The following HPS5 variants were observed in gnomAD, a reference collection of about 807,000 sequenced individuals.
The protein encoded by HPS5 is HPS5 biogenesis of lysosomal organelles complex 2 subunit 2.
Under a neutral mutation model 128.0 loss-of-function variants are expected in HPS5, and 83 were observed. The ratio of observed to expected loss-of-function variants is 0.65; its 90% confidence interval spans 0.54 to 0.78. HPS5 has a LOEUF of 0.78. HPS5 is among the 30% of genes least tolerant of loss of function. The probability of loss-of-function intolerance (pLI) is 0.00; values close to 1 mark genes in which losing one functional copy is unlikely to be tolerated. For synonymous variants in HPS5, 475 were observed against 470.2 expected (o/e 1.01, Z -0.13); for missense variants, 1,281 against 1,326.2 (o/e 0.97, Z 0.53).
intron 6 of HPS5, among the ~76,000 whole-genome samples, chr11:18,307,540 G>A (rs1486858520): frequency 2.0e-5 from 3 of 152,148 alleles, no homozygotes; most frequent in Non-Finnish European, 2.9e-5. Context: ...TTTGCTGAGT[G>A]AAAAATGTAA....
chr11:18,305,174 T>A lies in HPS5; in HGVS notation c.896+248A>T, dbSNP rs79722765. Among the ~76,000 whole-genome samples the A allele has an allele frequency of 8.6e-3, 1,310 of 152,334 alleles. 23 individuals are homozygous for A. Among genetic ancestry groups the A allele is most frequent in the African/African-American group, 0.029 (1,192 of 41,558 alleles). ...TATGAGGCGGTTAGTAGAGCTATCT[T>A]AGCTCCAATTGTTAGAAGTTTCTTG... On this transcript the variant is annotated intron_variant, in intron 8 of 22. Coordinates refer to ENST00000349215, the MANE Select transcript of HPS5 (RefSeq NM_181507.2).
chr11:18,311,398 A>T lies in HPS5; in HGVS notation c.273T>A (p.Ala91=). The change falls in exon 4 of 23, where the codon GCT becomes GCA. Residue 91 remains alanine, a synonymous_variant. Transcript: ENST00000349215. ...ACCLHDDDYV[A]VATSQGLVVV... is the part of the protein sequence containing the mutation. ...GAACAGATTCTTACCTGGTAGCTAC[A>T]GCAACATAATCATCATCATGTAAAC... The T allele has an allele frequency of 6.2e-7, 1 of 1,605,328 alleles. No homozygotes were observed. Among genetic ancestry groups the T allele is most frequent in the Non-Finnish European group, 8.5e-7 (1 of 1,172,478 alleles).
intron 1 of HPS5, among the ~76,000 whole-genome samples, chr11:18,320,741 G>A (rs959127579): frequency 1.3e-5 from 2 of 152,292 alleles, no homozygotes; most frequent in African/African-American, 4.8e-5. Context: ...CTAGAACTGA[G>A]CATAATACTC....
chr11:18,291,307 T>C (rs1270665201), intron 16 of HPS5, 135 bp downstream of exon 16: 2 of 564,822 alleles, frequency 3.5e-6, no homozygotes, highest in Non-Finnish European at 6.3e-6. Context: ...TTAAAATGAA[T>C]GGAAAACAGA....
Position 18,296,042 on chromosome 11 carries a change from G to T in HPS5, c.1591C>A (p.Arg531Ser), listed in dbSNP as rs1861025682. The T allele has an allele frequency of 6.2e-7, 1 of 1,613,604 alleles. No homozygotes were observed. The highest frequency in any genetic ancestry group is 8.5e-7 in the Non-Finnish European group (1 of 1,179,524). The part of the protein sequence containing the change: ...FLPFGIPLPF[R>S]SPSPLVSLQA... The stretch of plus-strand genomic sequence containing the variant: ...AGAGACACAAGAGGAGATGGAGAAC[G>T]AAATGGTAATGGAATGCCGAACGGG... The change falls in exon 13 of 23, where the codon CGT becomes AGT. Residue 531 changes from arginine to serine, a missense_variant. Coordinates refer to ENST00000349215, the MANE Select transcript of HPS5 (RefSeq NM_181507.2).
At chr11:18,281,314 G>C (rs141977130) in intron 22 of HPS5, among the ~76,000 whole-genome samples, 5 of 147,622 alleles carry the variant, frequency 3.4e-5, no homozygotes, top group African/African-American at 7.5e-5. Flanking sequence ...GGCTGGTCTC[G>C]AACTCCTGAC....
In HPS5 at chr11:18,288,002, A is replaced by AACT. The variant is rs1859954284; in HGVS notation, c.2449_2451dup (p.Ser818dup). 1 of 1,613,760 alleles carries AACT rather than the reference A, an allele frequency of 6.2e-7. No individual in the cohort carries two copies. Among genetic ancestry groups the AACT allele is most frequent in the Non-Finnish European group, 8.5e-7 (1 of 1,179,910 alleles). On this transcript the variant is annotated inframe_insertion, in exon 17 of 23. Transcript: ENST00000349215. ...TCCATCTCCATATACACAGGATTGGAACTTGCCATTTCTGAAATATAAAGC... is the reference window on the plus strand; with the variant it reads ...TCCATCTCCATATACACAGGATTGGAACTACTTGCCATTTCTGAAATATAAAGC...
chr11:18,287,634 G>T lies in HPS5; in HGVS notation c.2618C>A (p.Ser873Tyr). Residue 873 changes from serine to tyrosine, a missense_variant, in exon 18 of 23, where the codon TCC becomes TAC. Physicochemically the swap from Ser to Tyr is moderately radical, Grantham distance 144. Coordinates refer to ENST00000349215, the MANE Select transcript of HPS5 (RefSeq NM_181507.2). ...TTGTATGATATCCGATGGCAAAATG[G>T]ATGGAAAGAACTTGATTAAGGATCG... is the stretch of plus-strand genomic sequence containing the variant. ...ALRSLIKFFPSILPSDIIQLC... is the reference protein window; with the variant it reads ...ALRSLIKFFPYILPSDIIQLC... 6.2e-7 allele frequency: 1 copy of T among 1,614,162 alleles called. No individual in the cohort carries two copies. The highest frequency in any genetic ancestry group is 1.3e-5 in the African/African-American group (1 of 75,038).
intron 1 of HPS5, among the ~76,000 whole-genome samples, chr11:18,319,416 C>T (rs766429885): frequency 6.6e-6 from 1 of 151,952 alleles, no homozygotes; most frequent in African/African-American, 2.4e-5. Flanking sequence ...GCTGACTAGG[C>T]TTTTATCTCA....
At chr11:18,315,376 G>A (rs908012336) in intron 2 of HPS5, among the ~76,000 whole-genome samples, 1 of 152,188 alleles carries the variant, frequency 6.6e-6, no homozygotes, top group East Asian at 1.9e-4. Context: ...AGCACTTTGG[G>A]AGGAGGCAAG....
intron 7 of HPS5, 146 bp from the exon 8 acceptor site, chr11:18,305,639 T>A (rs1275574885): frequency 1.7e-6 from 1 of 574,200 alleles, no homozygotes; most frequent in African/African-American, 1.9e-5. Flanking sequence ...ACACTAATCA[T>A]AGGAGAGGTA....
At chr11:18,282,757 G>T (rs1168859445) in intron 21 of HPS5, among the ~76,000 whole-genome samples, 1 of 152,120 alleles carries the variant, frequency 6.6e-6, no homozygotes, top group Non-Finnish European at 1.5e-5. Flanking sequence ...TGAAAAAAAA[G>T]AACAAGGAAG....
At chr11:18,321,652 G>C (rs1864368901) in intron 1 of HPS5, among the ~76,000 whole-genome samples, 2 of 152,122 alleles carry the variant, frequency 1.3e-5, no homozygotes, top group African/African-American at 4.8e-5. Flanking sequence ...TGCCCCAGTA[G>C]GTGCGTGGAG....
intron 14 of HPS5, among the ~76,000 whole-genome samples, chr11:18,294,777 T>C (rs1860847649): frequency 6.6e-6 from 1 of 152,018 alleles, no homozygotes; most frequent in Admixed American, 6.6e-5. Flanking sequence ...ATGGGAAGAA[T>C]TGTCTTGGGC....
chr11:18,289,373 C>T (rs1473381339), intron 16 of HPS5, among the ~76,000 whole-genome samples: 1 of 152,174 alleles, frequency 6.6e-6, no homozygotes, highest in Non-Finnish European at 1.5e-5. Context: ...AATTGCCCAC[C>T]ATGCTTCCTC....
At chr11:18,318,050 G>A (rs1277778021) in intron 1 of HPS5, 143 bp from the exon 2 acceptor site, 13 of 636,952 alleles carry the variant, frequency 2.0e-5, no homozygotes, top group East Asian at 2.7e-5. Context: ...AGGTAACATC[G>A]TATGCCACAG....
At chr11:18,321,040 TAA>T (rs1314712820) in intron 1 of HPS5, among the ~76,000 whole-genome samples, 1 of 152,256 alleles carries the variant, frequency 6.6e-6, no homozygotes. Context: ...ACAAACAGTA[TAA>T]AGAGGAACAG....
chr11:18,293,836 G>A (rs560299460), intron 14 of HPS5, among the ~76,000 whole-genome samples: 1 of 152,338 alleles, frequency 6.6e-6, no homozygotes, highest in East Asian at 1.9e-4. Context: ...TCTCCGATAG[G>A]AGTGAAATTT....
In HPS5 at chr11:18,286,635, A is replaced by T; in HGVS notation, c.2793T>A (p.Asp931Glu). The T allele has an allele frequency of 6.2e-7, 1 of 1,614,170 alleles. No individual in the cohort carries two copies. Among genetic ancestry groups the T allele is most frequent in the Non-Finnish European group, 8.5e-7 (1 of 1,180,018 alleles). ...CCATTGTGCTGGTGCTTGGTGGAGC[A>T]TCAAGGGACACTGCCAAAAGCAGCC... ...LDWLLLAVSLDAPPSTSTMDD... is the reference protein window; with the variant it reads ...LDWLLLAVSLEAPPSTSTMDD... Residue 931 changes from aspartate (D) to glutamate (E), a missense_variant, in exon 19 of 23, where the codon GAT becomes GAA. Physicochemically the swap from Asp to Glu is conservative, Grantham distance 45. Coordinates refer to ENST00000349215, the MANE Select transcript of HPS5 (RefSeq NM_181507.2).
Sources: gnomAD v4.1 joint callset for allele counts (sites outside exome capture counted in the v4.1 genomes callset) on GRCh38, gnomAD v4.1.1 for gene constraint, MANE v1.5 for transcripts, NCBI Gene and HGNC (gene_info 2026-07-23, HGNC 2026-07-21) for gene names.